The following GABRA5 variants were observed in gnomAD, a reference collection of about 807,000 sequenced individuals.
GABRA5 encodes the protein gamma-aminobutyric acid receptor subunit alpha-5.
GABRA5 carries 18 observed loss-of-function variants against 47.3 expected under a neutral mutation model. The observed-to-expected ratio is 0.38, with a 90% confidence interval of 0.26 to 0.56. GABRA5 has a LOEUF of 0.56. Ranked by LOEUF, GABRA5 falls within the 20% of genes least tolerant of loss-of-function variation. GABRA5 has a pLI of 0.71. For missense variants in GABRA5, 365 were observed against 599.3 expected (o/e 0.61, Z 4.08); for synonymous variants, 237 against 229.3 (o/e 1.03, Z -0.30).
intron 3 of GABRA5, among the ~76,000 whole-genome samples, chr15:26,876,193 G>A (rs1332166674): frequency 6.6e-6 from 1 of 152,180 alleles, no homozygotes; most frequent in Non-Finnish European, 1.5e-5. Flanking sequence ...AGGTGCAGTG[G>A]TGGTGTGGGA....
intron 3 of GABRA5, among the ~76,000 whole-genome samples, chr15:26,878,920 G>A (rs1377286320): frequency 6.6e-6 from 1 of 152,194 alleles, no homozygotes; most frequent in Non-Finnish European, 1.5e-5. Flanking sequence ...CAGAGCAGGA[G>A]TGTCTTTATC....
Position 26,880,925 on chromosome 15 carries a change from C to T in GABRA5, c.166C>T (p.Leu56Phe). 1.9e-6 allele frequency: 3 copies of T among 1,613,930 alleles called. No homozygotes were observed. Among genetic ancestry groups the T allele is most frequent in the Non-Finnish European group, 2.5e-6 (3 of 1,179,862 alleles). ...GATATTTACCAGGATCTTGGATGGG[C>T]TCTTGGATGGCTACGACAACAGACT... ...ITIFTRILDG[L>F]LDGYDNRLRP... The change falls in exon 4 of 11, where the codon CTC (leucine) becomes TTC (phenylalanine). Residue 56 changes from leucine (L) to phenylalanine (F), a missense_variant. Around this residue, in one of 3 missense-constraint regions of GABRA5, gnomAD observed 216 missense variants for 335.3 expected, o/e 0.64. Transcript: ENST00000335625.
At chr15:26,869,082 C>A in intron 2 of GABRA5, 93 bp from the exon 3 acceptor site, 1 of 584,150 alleles carries the variant, frequency 1.7e-6, no homozygotes, top group South Asian at 2.2e-5. Context: ...CCTTTCTTTG[C>A]AAATTGTTGT....
At chr15:26,930,856 TC>T (rs1440844077) in intron 7 of GABRA5, among the ~76,000 whole-genome samples, 4 of 151,786 alleles carry the variant, frequency 2.6e-5, no homozygotes, top group Non-Finnish European at 4.4e-5. Context: ...TTCTTTTTTT[TC>T]TTTCTCTTCT....
At chr15:26,939,305 C>T (rs752096577) in intron 8 of GABRA5, 1 of 765,304 alleles carries the variant, frequency 1.3e-6, no homozygotes. Flanking sequence ...CCCACACAGC[C>T]AGGCAAATCC....
At chr15:26,887,767 A>T (rs113257760) in intron 6 of GABRA5, among the ~76,000 whole-genome samples, 15,489 of 152,202 alleles carry the variant, frequency 0.1, 883 homozygotes, top group East Asian at 0.17. Context: ...ATATATTTTT[A>T]AATTCCCTTT....
Position 26,883,880 on chromosome 15 carries a change from C to T in GABRA5, c.497+323C>T, listed in dbSNP as rs1892807052. Among the ~76,000 whole-genome samples the T allele has an allele frequency of 6.6e-6, 1 of 152,132 alleles. No homozygotes were observed. The highest frequency in any genetic ancestry group is 1.5e-5 in the Non-Finnish European group (1 of 68,004). On this transcript the variant is annotated intron_variant, in intron 6 of 10. Transcript: ENST00000335625. This position sits in a 1 kb window ranked among gnomAD's most constrained non-coding sequence, Gnocchi z 4.8. ...TTAAACTTAAACATCTAAGGAGGAC[C>T]GGGCGTGGTGGCTCATGCCTGTACA... is the stretch of plus-strand genomic sequence containing the variant.
In GABRA5 at chr15:26,883,606, G is replaced by T. The variant is rs1348043612; in HGVS notation, c.497+49G>T. 7.2e-7 allele frequency: 1 copy of T among 1,387,760 alleles called. No individual in the cohort carries two copies. Among genetic ancestry groups the T allele is most frequent in the Non-Finnish European group, 9.7e-7 (1 of 1,032,556 alleles). 86.0% of individuals were successfully genotyped at this position (1,387,760 alleles called of 1,614,324 possible). A position where few individuals can be genotyped will look rare whatever the true frequency, so the allele number is the denominator to read the frequency against. On this transcript the variant is annotated intron_variant, in intron 6 of 10. Coordinates refer to ENST00000335625, the MANE Select transcript of GABRA5 (RefSeq NM_000810.4). This position sits in a 1 kb window ranked among gnomAD's most constrained non-coding sequence, Gnocchi z 4.8. Reference sequence around the variant, plus strand: ...GGGGCCGGGGGACGGTGCGGGGCAGGCGCGGCTGCCCATCCTGCCGCAAGA... The same window carrying T: ...GGGGCCGGGGGACGGTGCGGGGCAGTCGCGGCTGCCCATCCTGCCGCAAGA...
At position 26,883,610 on chromosome 15, in the gene GABRA5, G is replaced by A. The variant is rs573388684; in HGVS notation, c.497+53G>A. On this transcript the variant is annotated intron_variant, in intron 6 of 10. Coordinates refer to ENST00000335625, the MANE Select transcript of GABRA5 (RefSeq NM_000810.4). The surrounding 1 kb of genome is among the most constrained non-coding windows in gnomAD (Gnocchi z 4.8). ...CCGGGGGACGGTGCGGGGCAGGCGC[G>A]GCTGCCCATCCTGCCGCAAGAGCTG... is the stretch of plus-strand genomic sequence containing the variant. The A allele has an allele frequency of 4.9e-4, 667 of 1,374,414 alleles. 4 individuals are homozygous for A. The African/African-American group carries it at 8.6e-3, about 18-fold the overall frequency. 85.1% of individuals were successfully genotyped at this position (1,374,414 alleles called of 1,614,324 possible). A position where few individuals can be genotyped will look rare whatever the true frequency, so the allele number is the denominator to read the frequency against.
chr15:26,925,309 T>G (rs769659070), intron 7 of GABRA5, among the ~76,000 whole-genome samples: 27 of 152,156 alleles, frequency 1.8e-4, no homozygotes, highest in Non-Finnish European at 4.0e-4. Flanking sequence ...GGTGTGCTCA[T>G]GTTTTTAACC....
At chr15:26,943,783 C>T (rs1268838617) in intron 10 of GABRA5, among the ~76,000 whole-genome samples, 3 of 152,074 alleles carry the variant, frequency 2.0e-5, no homozygotes, top group African/African-American at 4.8e-5. Flanking sequence ...GCCCTCAGGT[C>T]GAGAAGGGGG....
In GABRA5 at chr15:26,948,159, A is replaced by T. The variant is rs773980203; in HGVS notation, c.1315A>T (p.Thr439Ser). 1 of 1,613,926 alleles carries T rather than the reference A, an allele frequency of 6.2e-7. No individual in the cohort carries two copies. The highest frequency in any genetic ancestry group is 1.1e-5 in the South Asian group (1 of 91,034). ...AATCGTATTCCCAGTCTTGTTCGGC[A>T]CTTTCAACTTAGTTTACTGGGCAAC... ...SRIVFPVLFG[T>S]FNLVYWATYL... The change falls in exon 11 of 11, where the codon ACT becomes TCT. Residue 439 changes from threonine to serine, a missense_variant. Around this residue, in one of 3 missense-constraint regions of GABRA5, gnomAD observed 106 missense variants for 130.3 expected, o/e 0.81. Transcript: ENST00000335625.
intron 7 of GABRA5, among the ~76,000 whole-genome samples, chr15:26,917,162 G>A (rs1893735860): frequency 1.3e-5 from 2 of 152,044 alleles, no homozygotes; most frequent in African/African-American, 4.8e-5. Context: ...TGATGCTAGA[G>A]AAAAAGTTGT....
chr15:26,868,393 G>C (rs1892379027), intron 1 of GABRA5, among the ~76,000 whole-genome samples: 1 of 152,084 alleles, frequency 6.6e-6, no homozygotes, highest in South Asian at 2.1e-4. Flanking sequence ...GGGTTGGGGG[G>C]GCTTCTTGGG....
At chr15:26,937,427 G>A in intron 8 of GABRA5, 99 bp downstream of exon 8, 2 of 1,294,714 alleles carry the variant, frequency 1.5e-6, no homozygotes, top group Middle Eastern at 2.7e-4. Context: ...GGCCACGTGG[G>A]AGGCCGCACA....
chr15:26,911,984 C>T (rs1595418227), intron 6 of GABRA5, among the ~76,000 whole-genome samples: 1 of 152,296 alleles, frequency 6.6e-6, no homozygotes. Flanking sequence ...AGAGTAAAGC[C>T]AGGGCTGCTG....
chr15:26,901,235 C>T (rs1761222221), intron 6 of GABRA5, among the ~76,000 whole-genome samples: 1 of 152,186 alleles, frequency 6.6e-6, no homozygotes, highest in Non-Finnish European at 1.5e-5. Context: ...AGTTGCCAAG[C>T]TGCCTTCCAA....
At chr15:26,946,879 G>C (rs1157288152) in intron 10 of GABRA5, among the ~76,000 whole-genome samples, 3 of 152,100 alleles carry the variant, frequency 2.0e-5, no homozygotes, top group African/African-American at 7.2e-5. Flanking sequence ...GGTGTCCATC[G>C]ATAGGATAGT....
intron 7 of GABRA5, among the ~76,000 whole-genome samples, chr15:26,917,863 T>C (rs1893753970): frequency 6.6e-6 from 1 of 152,090 alleles, no homozygotes; most frequent in Non-Finnish European, 1.5e-5. Context: ...TGTTCATTGT[T>C]GTCTTTTACA....
Sources: gnomAD v4.1 joint callset for allele counts (sites outside exome capture counted in the v4.1 genomes callset) on GRCh38, gnomAD v4.1.1 for gene constraint, gnomAD v4.1.1 regional missense constraint, Gnocchi (gnomAD v3.1) non-coding constraint, MANE v1.5 for transcripts, NCBI Gene and HGNC (gene_info 2026-07-23, HGNC 2026-07-21) for gene names.